Variants in TMC1 observed in about 807,000 individuals in gnomAD.
TMC1 encodes transmembrane channel like 1.
TMC1 carries 84 observed loss-of-function variants against 105.8 expected under a neutral mutation model. The observed-to-expected ratio is 0.79, with a 90% CI of 0.67 to 0.95. TMC1 has a LOEUF of 0.95. Among genes scored for constraint, TMC1 ranks in the 40% least tolerant of loss-of-function variants. TMC1 has a pLI of 0.00. For missense variants in TMC1, 817 were observed against 914.1 expected (o/e 0.89, Z 1.37); for synonymous variants, 315 against 311.5 (o/e 1.01, Z -0.12).
intron 10 of TMC1, among the ~76,000 whole-genome samples, chr9:72,744,089 C>T (rs1021001929): frequency 6.6e-6 from 1 of 152,142 alleles, no homozygotes; most frequent in African/African-American, 2.4e-5. Context: ...GGCTAACCCT[C>T]GGTTCCCTGT....
chr9:72,624,888 T>C (rs569081845), intron 3 of TMC1, among the ~76,000 whole-genome samples: 1 of 152,308 alleles, frequency 6.6e-6, no homozygotes, highest in African/African-American at 2.4e-5. Context: ...GGATTTTCCA[T>C]TGAGGAAGTG....
intron 8 of TMC1, among the ~76,000 whole-genome samples, chr9:72,710,442 T>G (rs1826816841): frequency 6.6e-6 from 1 of 152,172 alleles, no homozygotes. Context: ...GTCAGTGGAG[T>G]ATTGAAGTCC....
intron 3 of TMC1, among the ~76,000 whole-genome samples, chr9:72,621,839 A>G (rs1302823949): frequency 1.3e-5 from 2 of 152,212 alleles, no homozygotes; most frequent in African/African-American, 2.4e-5. Flanking sequence ...ATTTTTAAAC[A>G]TATAAATAGT....
At chr9:72,647,072 G>A (rs540056587) in intron 4 of TMC1, among the ~76,000 whole-genome samples, 3 of 150,832 alleles carry the variant, frequency 2.0e-5, no homozygotes, top group Non-Finnish European at 4.4e-5. Flanking sequence ...AACCCAGGAG[G>A]TGGAGGTTGC....
intron 8 of TMC1, among the ~76,000 whole-genome samples, chr9:72,715,165 C>G (rs953094894): frequency 2.3e-4 from 35 of 152,182 alleles, no homozygotes; most frequent in Non-Finnish European, 2.5e-4. Flanking sequence ...TGTGGGTAAC[C>G]CAACCTTTCT....
chr9:72,533,168 C>A (rs1211749784), intron 1 of TMC1, among the ~76,000 whole-genome samples: 4 of 152,216 alleles, frequency 2.6e-5, no homozygotes, highest in Middle Eastern at 3.2e-3. Context: ...AGTGCCCTCT[C>A]TTCTTGCTTT....
intron 2 of TMC1, among the ~76,000 whole-genome samples, chr9:72,601,952 C>A (rs1405252715): frequency 6.6e-6 from 1 of 152,094 alleles, no homozygotes; most frequent in East Asian, 1.9e-4. Context: ...GGGATGGGAC[C>A]CAAGCCTAAA....
intron 5 of TMC1, among the ~76,000 whole-genome samples, chr9:72,678,874 C>T (rs911295156): frequency 1.3e-5 from 2 of 151,978 alleles, no homozygotes; most frequent in Non-Finnish European, 2.9e-5. Flanking sequence ...TGGAATCATA[C>T]ACATAAATTC....
rs1245493942 is a variant in TMC1 at position 72,524,443 on chromosome 9, C to T, written c.-428+2530C>T. On this transcript the variant is annotated intron_variant, in intron 1 of 23. Transcript: ENST00000297784. ...CCAATGTTTATTAGATAAATGTTCA[C>T]TTTTATTACTAGTAATATTAACCAC... Among the ~76,000 whole-genome samples, 4 of 152,100 alleles carry T rather than the reference C, an allele frequency of 2.6e-5. No individual in the cohort carries two copies. In the East Asian group the frequency reaches 5.8e-4, roughly 22 times the overall value.
intron 1 of TMC1, among the ~76,000 whole-genome samples, chr9:72,547,050 GC>G (rs1364846028): frequency 6.6e-6 from 1 of 152,134 alleles, no homozygotes; most frequent in Non-Finnish European, 1.5e-5. Flanking sequence ...ACCTTGGGAG[GC>G]CAAGGCAAGT....
At chr9:72,551,052 T>C (rs555443499) in intron 1 of TMC1, among the ~76,000 whole-genome samples, 1 of 152,296 alleles carries the variant, frequency 6.6e-6, no homozygotes, top group African/African-American at 2.4e-5. Flanking sequence ...TGCTATATTG[T>C]TGCTGGCTTT....
chr9:72,690,350 T>C (rs1376435575), intron 6 of TMC1, among the ~76,000 whole-genome samples: 1 of 152,148 alleles, frequency 6.6e-6, no homozygotes, highest in African/African-American at 2.4e-5. Context: ...TATAATACAA[T>C]TAAAAGTTAC....
intron 2 of TMC1, among the ~76,000 whole-genome samples, chr9:72,580,332 A>C (rs1824454443): frequency 6.6e-6 from 1 of 152,124 alleles, no homozygotes; most frequent in Non-Finnish European, 1.5e-5. Context: ...CCTCACTATC[A>C]GCTCACTGTG....
intron 2 of TMC1, among the ~76,000 whole-genome samples, chr9:72,586,821 AGT>A (rs1824561306): frequency 2.0e-5 from 3 of 152,220 alleles, no homozygotes; most frequent in Non-Finnish European, 4.4e-5. Flanking sequence ...CCAGAGTCCA[AGT>A]AACTAAGTGT....
intron 1 of TMC1, among the ~76,000 whole-genome samples, chr9:72,574,026 T>C (rs1177661014): frequency 1.3e-5 from 2 of 152,224 alleles, no homozygotes; most frequent in Admixed American, 6.5e-5. Flanking sequence ...CCCACTTATA[T>C]GTGAGAACAC....
At chr9:72,642,399 G>T (rs2132144942) in intron 4 of TMC1, among the ~76,000 whole-genome samples, 1 of 152,274 alleles carries the variant, frequency 6.6e-6, no homozygotes, top group Non-Finnish European at 1.5e-5. Flanking sequence ...TGCTAGTAAA[G>T]GTGTTGGTTA....
At chr9:72,807,898 T>G (rs974580733) in intron 18 of TMC1, among the ~76,000 whole-genome samples, 9 of 152,160 alleles carry the variant, frequency 5.9e-5, no homozygotes, top group African/African-American at 2.2e-4. Flanking sequence ...ACCACACTGG[T>G]GCTGACTCCA....
chr9:72,830,737 T>TC, intron 23 of TMC1, 55 bp downstream of exon 23: 1 of 1,414,804 alleles, frequency 7.1e-7, no homozygotes, highest in East Asian at 2.4e-5. Flanking sequence ...TCTTTTTCTT[T>TC]CTTTTTTTTT....
intron 5 of TMC1, among the ~76,000 whole-genome samples, chr9:72,676,277 T>C (rs1378147309): frequency 2.0e-5 from 3 of 152,162 alleles, no homozygotes; most frequent in African/African-American, 4.8e-5. Context: ...CTAAATCTTA[T>C]GGGATATTTC....
Sources: allele counts gnomAD v4.1 joint callset (sites outside exome capture counted in the v4.1 genomes callset), GRCh38; gene constraint gnomAD v4.1.1; transcripts MANE v1.5; gene names NCBI Gene and HGNC (gene_info 2026-07-23, HGNC 2026-07-21).